KAZN: variants seen among roughly 807,000 people sequenced by gnomAD.
The protein encoded by KAZN is kazrin.
In KAZN, 40 loss-of-function variants were observed where a neutral mutation model predicts 87.4. That is an observed-to-expected ratio of 0.46 (90% CI 0.36 to 0.60). KAZN has a LOEUF of 0.60. KAZN is among the 20% of genes least tolerant of loss of function. The pLI is 0.00. For synonymous variants in KAZN, 466 were observed against 458.3 expected, an observed-to-expected ratio of 1.02 and a Z score of -0.22; for missense variants, 898 against 1,073.9, an observed-to-expected ratio of 0.84 and a Z score of 2.29.
At chr1:14,307,399 A>G (rs976590985) in intron 2 of KAZN, among the ~76,000 whole-genome samples, 3 of 152,274 alleles carry the variant, frequency 2.0e-5, no homozygotes, top group Middle Eastern at 3.4e-3. Context: ...TTTCATGATA[A>G]TCACACAGCT....
At chr1:14,357,574 C>T (rs1659141912) in intron 2 of KAZN, among the ~76,000 whole-genome samples, 1 of 152,064 alleles carries the variant, frequency 6.6e-6, no homozygotes, top group Admixed American at 6.5e-5. Flanking sequence ...ACAAATAGCT[C>T]TTATTATTTT....
At chr1:14,866,003 G>A (rs1432719695) in intron 1 of KAZN, among the ~76,000 whole-genome samples, 3 of 152,164 alleles carry the variant, frequency 2.0e-5, no homozygotes, top group South Asian at 2.1e-4. Flanking sequence ...CAGCCATCTA[G>A]CCCCTAGAAC....
intron 1 of KAZN, among the ~76,000 whole-genome samples, chr1:14,905,005 C>T (rs567746730): frequency 1.3e-5 from 2 of 152,118 alleles, no homozygotes; most frequent in Non-Finnish European, 2.9e-5. Context: ...TCGTGATCCG[C>T]CCACCTCGGC....
intron 2 of KAZN, among the ~76,000 whole-genome samples, chr1:14,421,764 C>T (rs1035370969): frequency 2.0e-5 from 3 of 151,980 alleles, no homozygotes; most frequent in Admixed American, 6.6e-5. Flanking sequence ...CTCTTTTTAC[C>T]ACAAAATTTC....
At chr1:14,428,641 G>T (rs1665875546) in intron 2 of KAZN, among the ~76,000 whole-genome samples, 1 of 152,158 alleles carries the variant, frequency 6.6e-6, no homozygotes, top group Non-Finnish European at 1.5e-5. Context: ...CACATGGCTT[G>T]GGAAGCCTCA....
At chr1:14,037,732 G>T (rs16853473) in intron 1 of KAZN, among the ~76,000 whole-genome samples, 8,004 of 152,182 alleles carry the variant, frequency 0.053, 690 homozygotes, top group African/African-American at 0.18. Flanking sequence ...ATGAAGAAAT[G>T]GGGTTCAATT....
intron 1 of KAZN, among the ~76,000 whole-genome samples, chr1:14,867,393 C>T (rs1189600911): frequency 6.6e-6 from 1 of 152,146 alleles, no homozygotes; most frequent in Non-Finnish European, 1.5e-5. Flanking sequence ...AAGCCCAAGA[C>T]CATTGTATTC....
At chr1:14,615,759 C>T (rs1359489945) in intron 1 of KAZN, among the ~76,000 whole-genome samples, 1 of 152,206 alleles carries the variant, frequency 6.6e-6, no homozygotes. Context: ...AGAGGCATCC[C>T]GGGAAGTGGC....
intron 2 of KAZN, among the ~76,000 whole-genome samples, chr1:14,414,672 A>G (rs1382458006): frequency 6.6e-6 from 1 of 152,182 alleles, no homozygotes; most frequent in African/African-American, 2.4e-5. Flanking sequence ...ATAGAAAACC[A>G]TACATAGGGA....
intron 2 of KAZN, among the ~76,000 whole-genome samples, chr1:14,987,282 C>G (rs1178557224): frequency 6.6e-6 from 1 of 152,054 alleles, no homozygotes; most frequent in East Asian, 1.9e-4. Context: ...ATCATGAGGT[C>G]AGGAGTTCGA....
At chr1:14,431,951 A>T (rs1666095738) in intron 2 of KAZN, among the ~76,000 whole-genome samples, 1 of 152,146 alleles carries the variant, frequency 6.6e-6, no homozygotes, top group East Asian at 1.9e-4. Context: ...ATTCTCCCTA[A>T]TAAGCTTTCT....
chr1:14,858,170 G>A (rs1256523171), intron 1 of KAZN, among the ~76,000 whole-genome samples: 1 of 150,062 alleles, frequency 6.7e-6, no homozygotes, highest in East Asian at 1.9e-4. Context: ...GCATGATATG[G>A]ATATGCCACA....
At chr1:14,093,623 C>G (rs1385724421) in intron 1 of KAZN, among the ~76,000 whole-genome samples, 1 of 151,906 alleles carries the variant, frequency 6.6e-6, no homozygotes, top group Non-Finnish European at 1.5e-5. Flanking sequence ...GGAGTTCAAA[C>G]TTGCCTTCTG....
At chr1:14,999,042 C>T (rs1424021844) in intron 2 of KAZN, among the ~76,000 whole-genome samples, 1 of 152,148 alleles carries the variant, frequency 6.6e-6, no homozygotes, top group Non-Finnish European at 1.5e-5. Context: ...AAACATTATC[C>T]AGGTGTGGTA....
intron 2 of KAZN, among the ~76,000 whole-genome samples, chr1:14,326,355 T>TAAAAGAGGATAG (rs1656418274): frequency 1.3e-5 from 2 of 152,138 alleles, no homozygotes; most frequent in African/African-American, 4.8e-5. Context: ...ATTAGCTCTA[T>TAAAAGAGGATAG]CCTCTTCAAA....
At chr1:13,954,724 T>G (rs1403855210) in intron 1 of KAZN, among the ~76,000 whole-genome samples, 1 of 152,232 alleles carries the variant, frequency 6.6e-6, no homozygotes, top group Non-Finnish European at 1.5e-5. Context: ...CCAGCTCTTA[T>G]GCACTACCTC....
chr1:14,527,081 A>G (rs1671910732), intron 2 of KAZN, among the ~76,000 whole-genome samples: 1 of 152,132 alleles, frequency 6.6e-6, no homozygotes, highest in Non-Finnish European at 1.5e-5. Flanking sequence ...GATTAAAACG[A>G]TGTATTATCA....
intron 2 of KAZN, among the ~76,000 whole-genome samples, chr1:14,323,520 AT>A (rs1444953318): frequency 4.6e-5 from 7 of 152,218 alleles, no homozygotes; most frequent in Non-Finnish European, 1.0e-4. Flanking sequence ...TCAGATCTGG[AT>A]CCAGAACTAG....
At chr1:13,917,533 C>T (rs766230313) in intron 1 of KAZN, among the ~76,000 whole-genome samples, 21 of 152,248 alleles carry the variant, frequency 1.4e-4, no homozygotes, top group Middle Eastern at 3.4e-3. Context: ...TGGTGTCTCA[C>T]ACCTGTAATC....
Sources: allele counts gnomAD v4.1 joint callset (sites outside exome capture counted in the v4.1 genomes callset), GRCh38; gene constraint gnomAD v4.1.1; transcripts MANE v1.5; gene names NCBI Gene and HGNC (gene_info 2026-07-23, HGNC 2026-07-21).